Variants in SNRNP200 observed in about 807,000 individuals in gnomAD.
SNRNP200 encodes U5 small nuclear ribonucleoprotein 200 kDa helicase.
SNRNP200 carries 66 observed loss-of-function variants against 255.2 expected under a neutral mutation model. The ratio of observed to expected loss-of-function variants is 0.26; its 90% CI spans 0.21 to 0.32. SNRNP200 has a LOEUF of 0.32. Ranked by LOEUF, SNRNP200 falls within the 10% of genes least tolerant of loss-of-function variation. The pLI is 1.00. For missense variants in SNRNP200, 1,585 were observed against 2,749.8 expected, an observed-to-expected ratio of 0.58 and a Z score of 9.47; for synonymous variants, 939 against 1,027.8, an observed-to-expected ratio of 0.91 and a Z score of 1.65.
chr2:96,290,223 G>T lies in SNRNP200; in HGVS notation c.2742+103C>A. On this transcript the variant is annotated intron_variant, in intron 20 of 44. Transcript: ENST00000323853. The surrounding 1 kb of genome is among the most constrained non-coding windows in gnomAD (Gnocchi z 4.5). ...CAAGATGTGGGTGCAGGGATGGAAG[G>T]CCTCGGACGCTGCTGGCCCGCAGCA... 7.8e-7 allele frequency: 1 copy of T among 1,281,802 alleles called. No homozygotes were observed. Among genetic ancestry groups the T allele is most frequent in the Admixed American group, 1.7e-5 (1 of 59,578 alleles). The allele number at this position is 1,281,802 out of a possible 1,614,324, so 79.4% of individuals were successfully genotyped here.
chr2:96,293,462 A>T lies in SNRNP200; in HGVS notation c.1890T>A (p.Ala630=). The T allele has an allele frequency of 6.2e-7, 1 of 1,612,846 alleles. No individual in the cohort carries two copies. The highest frequency in any genetic ancestry group is 8.5e-7 in the Non-Finnish European group (1 of 1,180,036). ...TGTTTCGGATGGCCCTGGCCACTAA[A>T]GCTTCTAAGACAGGACCTCTGTCAT... is the stretch of plus-strand genomic sequence containing the variant. The part of the protein sequence containing the change: ...LHDDRGPVLE[A]LVARAIRNIE... The change falls in exon 15 of 45, where the codon GCT becomes GCA. Residue 630 remains alanine (A), a synonymous_variant. Transcript: ENST00000323853.
chr2:96,280,070 A>G (rs1414459416), intron 35 of SNRNP200, among the ~76,000 whole-genome samples: 1 of 152,138 alleles, frequency 6.6e-6, no homozygotes, highest in African/African-American at 2.4e-5. Flanking sequence ...CACACTTTCC[A>G]AACTTCATAG....
chr2:96,285,108 A>T, intron 30 of SNRNP200, 72 bp downstream of exon 30: 1 of 1,562,918 alleles, frequency 6.4e-7, no homozygotes, highest in Non-Finnish European at 8.8e-7. Context: ...TTCAGGGCTT[A>T]GAAAGCCTTC....
At chr2:96,279,704 T>G in intron 35 of SNRNP200, 145 bp from the exon 36 acceptor site, 2 of 677,402 alleles carry the variant, frequency 3.0e-6, no homozygotes. Context: ...TTTATGAATC[T>G]CTGCACTTAC....
At position 96,291,975 on chromosome 2, in the gene SNRNP200, T is replaced by A; in HGVS notation, c.2161-75A>T. The A allele has an allele frequency of 6.5e-7, 1 of 1,541,710 alleles. No homozygotes were observed. The highest frequency in any genetic ancestry group is 8.9e-7 in the Non-Finnish European group (1 of 1,124,462). ...GGGCACCTGCAGCAGGAAGCAGAAG[T>A]TGCACCATCACCACCAGAAGCCAAG... is the stretch of plus-strand genomic sequence containing the variant. On this transcript the variant is annotated intron_variant, in intron 16 of 44. Coordinates refer to ENST00000323853, the MANE Select transcript of SNRNP200 (RefSeq NM_014014.5). The surrounding 1 kb of genome is among the most constrained non-coding windows in gnomAD (Gnocchi z 4.2).
intron 11 of SNRNP200, 113 bp from the exon 12 acceptor site, chr2:96,297,183 TA>T: frequency 6.5e-7 from 1 of 1,542,668 alleles, no homozygotes; most frequent in Non-Finnish European, 8.9e-7. Context: ...AACTTTCCAT[TA>T]AAGGTCAGTC....
Position 96,284,004 on chromosome 2 carries a change from G to A in SNRNP200, c.4393C>T (p.Pro1465Ser). The change falls in exon 32 of 45, where the codon CCT (proline) becomes TCT (serine). Residue 1465 changes from proline (P) to serine (S), a missense_variant and splice_region_variant. Around this residue, in one of 9 missense-constraint regions of SNRNP200, gnomAD observed 719 missense variants for 1,091.1 expected, o/e 0.66. Coordinates refer to ENST00000323853, the MANE Select transcript of SNRNP200 (RefSeq NM_014014.5). ...CGGGAGCAGATCACTTCTAAGACAGGCTGGAAAGAGGGAGGGAGGGAGGGT... is the reference window on the plus strand; with the variant it reads ...CGGGAGCAGATCACTTCTAAGACAGACTGGAAAGAGGGAGGGAGGGAGGGT... ...EVHLIGGENG[P>S]VLEVICSRMR... is the part of the protein sequence containing the mutation. 2 of 1,583,318 alleles carry A rather than the reference G, an allele frequency of 1.3e-6. No homozygotes were observed. The highest frequency in any genetic ancestry group is 1.2e-5 in the South Asian group (1 of 86,496).
At position 96,281,903 on chromosome 2, in the gene SNRNP200, C is replaced by T. The variant is rs375650263; in HGVS notation, c.4935G>A (p.Val1645=). 8.1e-5 allele frequency: 131 copies of T among 1,614,056 alleles called. No homozygotes were observed. In the African/African-American group the frequency reaches 1.6e-3, roughly 20 times the overall value. ...TGCCCCAGCAGAGACTCCGAGAAGC[C>T]ACCACCACCTGGATAGCCCCTGAGC... ...LFSSGAIQVV[V]ASRSLCWGMN... Residue 1645 remains valine, a synonymous_variant, in exon 35 of 45, where the codon GTG becomes GTA. Transcript: ENST00000323853.
rs767412874 is a variant in SNRNP200 at position 96,287,607 on chromosome 2, A to C, written c.3366-50T>G. The stretch of plus-strand genomic sequence containing the variant: ...TTGGTCCCTTCTGCAGGGATGTGAC[A>C]AACCACCCACTTCATGGCTTCCAAT... On this transcript the variant is annotated intron_variant, in intron 25 of 44. Coordinates refer to ENST00000323853, the MANE Select transcript of SNRNP200 (RefSeq NM_014014.5). This position sits in a 1 kb window ranked among gnomAD's most constrained non-coding sequence, Gnocchi z 5.7. 7.4e-7 allele frequency: 1 copy of C among 1,355,766 alleles called. No individual in the cohort carries two copies. Among genetic ancestry groups the C allele is most frequent in the Non-Finnish European group, 1.1e-6 (1 of 944,340 alleles). The allele number at this position is 1,355,766 out of a possible 1,614,324, so 84.0% of individuals were successfully genotyped here.
At position 96,290,216 on chromosome 2, in the gene SNRNP200, A is replaced by G; in HGVS notation, c.2742+110T>C. ...CCAGACCCAAGATGTGGGTGCAGGG[A>G]TGGAAGGCCTCGGACGCTGCTGGCC... On this transcript the variant is annotated intron_variant, in intron 20 of 44. Coordinates refer to ENST00000323853, the MANE Select transcript of SNRNP200 (RefSeq NM_014014.5). This position sits in a 1 kb window ranked among gnomAD's most constrained non-coding sequence, Gnocchi z 4.5. The G allele has an allele frequency of 8.1e-7, 1 of 1,236,324 alleles. No individual in the cohort carries two copies. Among genetic ancestry groups the G allele is most frequent in the African/African-American group, 1.5e-5 (1 of 67,812 alleles). 76.6% of individuals were successfully genotyped at this position (1,236,324 alleles called of 1,614,324 possible). A position where few individuals can be genotyped will look rare whatever the true frequency, so the allele number is the denominator to read the frequency against.
At position 96,277,167 on chromosome 2, in the gene SNRNP200, G is replaced by A; in HGVS notation, c.6006C>T (p.Ser2002=). The change falls in exon 42 of 45, where the codon AGC becomes AGT. Residue 2002 remains serine (S), a synonymous_variant. Coordinates refer to ENST00000323853, the MANE Select transcript of SNRNP200 (RefSeq NM_014014.5). The surrounding 1 kb of genome is among the most constrained non-coding windows in gnomAD (Gnocchi z 4.4). ...ERNALLQLTD[S]QIADVARFCN... Reference sequence around the variant, plus strand: ...AAAAGCGAGCCACATCTGCAATCTGGCTGTCAGTCAGCTGAAGCAACGCGT... The same window carrying A: ...AAAAGCGAGCCACATCTGCAATCTGACTGTCAGTCAGCTGAAGCAACGCGT... 1 of 1,614,142 alleles carries A rather than the reference G, an allele frequency of 6.2e-7. No homozygotes were observed. The highest frequency in any genetic ancestry group is 8.5e-7 in the Non-Finnish European group (1 of 1,180,012).
intron 36 of SNRNP200, 192 bp downstream of exon 36, chr2:96,279,259 A>G (rs759455922): frequency 1.5e-6 from 1 of 658,964 alleles, no homozygotes; most frequent in Non-Finnish European, 2.7e-6. Flanking sequence ...CAACACGTGG[A>G]GCCAACGGCA....
chr2:96,297,622 C>A lies in SNRNP200; in HGVS notation c.1203+15G>T. 6.2e-7 allele frequency: 1 copy of A among 1,614,214 alleles called. No individual in the cohort carries two copies. Among genetic ancestry groups the A allele is most frequent in the Non-Finnish European group, 8.5e-7 (1 of 1,180,024 alleles). On this transcript the variant is annotated intron_variant, in intron 10 of 44. Coordinates refer to ENST00000323853, the MANE Select transcript of SNRNP200 (RefSeq NM_014014.5). Reference sequence around the variant, plus strand: ...ATCCATCAAGGCCTGGGAAATAAATCGCCCTGGATCCTACCTCTCCACCCT... The same window carrying A: ...ATCCATCAAGGCCTGGGAAATAAATAGCCCTGGATCCTACCTCTCCACCCT...
rs2063825003 is a variant in SNRNP200, at chr2:96,283,923, A to T, written c.4474T>A (p.Ser1492Thr). ...ACATCCTTGGCATTGGAGAGCGAAGAGCTGAGTGCCACAATGCGAATGGGC... is the reference window on the plus strand; with the variant it reads ...ACATCCTTGGCATTGGAGAGCGAAGTGCTGAGTGCCACAATGCGAATGGGC... ...ERPIRIVALS[S>T]SLSNAKDVAH... Residue 1492 changes from serine to threonine, a missense_variant, in exon 32 of 45, where the codon TCT becomes ACT. Around this residue, in one of 9 missense-constraint regions of SNRNP200, gnomAD observed 719 missense variants for 1,091.1 expected, o/e 0.66. Transcript: ENST00000323853. The surrounding 1 kb of genome is among the most constrained non-coding windows in gnomAD (Gnocchi z 4.7). The T allele has an allele frequency of 6.3e-7, 1 of 1,599,286 alleles. No homozygotes were observed. Among genetic ancestry groups the T allele is most frequent in the Non-Finnish European group, 8.5e-7 (1 of 1,173,022 alleles).
At chr2:96,303,021 C>G (rs1274856410) in intron 3 of SNRNP200, 138 bp downstream of exon 3, 1 of 916,336 alleles carries the variant, frequency 1.1e-6, no homozygotes, top group East Asian at 2.4e-5. Context: ...TCTGAACTAC[C>G]TAAGTGCTGC....
chr2:96,287,217 CTG>C lies in SNRNP200; in HGVS notation c.3485-59_3485-58del, dbSNP rs2063849666. 1.9e-6 allele frequency: 3 copies of C among 1,607,800 alleles called. No homozygotes were observed. Among genetic ancestry groups the C allele is most frequent in the East Asian group, 4.5e-5 (2 of 44,840 alleles). ...CCCAGCCTGCCTACTATACTGCAAA[CTG>C]GGCCTGAGGGCCACTGTGGGAAAGG... On this transcript the variant is annotated intron_variant, in intron 26 of 44. Coordinates refer to ENST00000323853, the MANE Select transcript of SNRNP200 (RefSeq NM_014014.5). The surrounding 1 kb of genome is among the most constrained non-coding windows in gnomAD (Gnocchi z 5.7).
In SNRNP200 at chr2:96,298,536, A is replaced by G; in HGVS notation, c.982+67T>C. 7.5e-6 allele frequency: 12 copies of G among 1,607,162 alleles called. No homozygotes were observed. The South Asian group carries it at 1.3e-4, about 18-fold the overall frequency. ...CAAGCACTTAGGCTGTGAAAACAAC[A>G]GAATCTCTATGTCACACATGCACAC... On this transcript the variant is annotated intron_variant, in intron 8 of 44. Coordinates refer to ENST00000323853, the MANE Select transcript of SNRNP200 (RefSeq NM_014014.5).
intron 5 of SNRNP200, among the ~76,000 whole-genome samples, 182 bp from the exon 6 acceptor site, chr2:96,299,609 G>A (rs2063940327): frequency 6.6e-6 from 1 of 152,154 alleles, no homozygotes; most frequent in Non-Finnish European, 1.5e-5. Context: ...TGCTTAGCAC[G>A]ACTTATTAGA....
Position 96,277,775 on chromosome 2 carries a change from A to G in SNRNP200, c.5754+32T>C. ...TTGGAGCTGAGATGTTTAGAGCACC[A>G]CTGACCCCTCTGCCCCACACCCACA... On this transcript the variant is annotated intron_variant, in intron 40 of 44. Transcript: ENST00000323853. The surrounding 1 kb of genome is among the most constrained non-coding windows in gnomAD (Gnocchi z 4.4). 1.9e-6 allele frequency: 3 copies of G among 1,614,126 alleles called. No individual in the cohort carries two copies. The highest frequency in any genetic ancestry group is 2.5e-6 in the Non-Finnish European group (3 of 1,180,012).
Sources: gnomAD v4.1 joint callset for allele counts (sites outside exome capture counted in the v4.1 genomes callset) on GRCh38, gnomAD v4.1.1 for gene constraint, gnomAD v4.1.1 regional missense constraint, Gnocchi (gnomAD v3.1) non-coding constraint, MANE v1.5 for transcripts, NCBI Gene and HGNC (gene_info 2026-07-23, HGNC 2026-07-21) for gene names.